HNRNPF: variants seen among roughly 807,000 people sequenced by gnomAD.
HNRNPF encodes the protein HnRNP F protein.
A neutral mutation model predicts 26.0 loss-of-function variants in HNRNPF; 2 were observed. The observed-to-expected ratio is 0.08, with a 90% CI of 0.03 to 0.24. The LOEUF (loss-of-function observed/expected upper bound fraction) is 0.24, where lower values mean the gene tolerates loss of function less well. HNRNPF is among the 10% of genes least tolerant of loss of function. The pLI is 1.00. For missense variants in HNRNPF, 299 were observed against 539.2 expected, an observed-to-expected ratio of 0.55 and a Z score of 4.41; for synonymous variants, 234 against 211.5, an observed-to-expected ratio of 1.11 and a Z score of -0.92.
intron 1 of HNRNPF, chr10:43,408,737 G>A (rs543019232): frequency 1.4e-5 from 2 of 146,146 alleles, no homozygotes; most frequent in African/African-American, 2.5e-5. Context: ...CTCGGCCTCC[G>A]AGTCTCTACA....
At chr10:43,399,979 T>C (rs1021586869) in intron 1 of HNRNPF, among the ~76,000 whole-genome samples, 5 of 152,138 alleles carry the variant, frequency 3.3e-5, no homozygotes, top group Admixed American at 6.6e-5. Flanking sequence ...CATGGGTGAG[T>C]GGGAACACTG....
intron 1 of HNRNPF, among the ~76,000 whole-genome samples, chr10:43,407,084 A>T (rs1478465019): frequency 1.3e-5 from 2 of 152,176 alleles, no homozygotes; most frequent in Non-Finnish European, 2.9e-5. Flanking sequence ...AACTAAGTAG[A>T]AAGAATTATA....
intron 1 of HNRNPF, chr10:43,397,322 AAG>A (rs1206546549): frequency 1.3e-5 from 2 of 152,262 alleles, no homozygotes; most frequent in African/African-American, 2.4e-5. Context: ...CGGGCCCGCC[AAG>A]ATGTCACCAA....
chr10:43,389,562 A>AT (rs1233548385), intron 3 of HNRNPF, among the ~76,000 whole-genome samples: 4 of 152,258 alleles, frequency 2.6e-5, no homozygotes, highest in African/African-American at 9.6e-5. Flanking sequence ...ATCATTTCAA[A>AT]TTGACAACGT....
chr10:43,391,054 T>G (rs987281410), intron 3 of HNRNPF, among the ~76,000 whole-genome samples: 1 of 152,082 alleles, frequency 6.6e-6, no homozygotes. Flanking sequence ...CCTATAATCC[T>G]AGCACTTTGG....
intron 1 of HNRNPF, among the ~76,000 whole-genome samples, chr10:43,399,832 TG>T (rs1450377443): frequency 6.6e-6 from 1 of 152,112 alleles, no homozygotes; most frequent in Non-Finnish European, 1.5e-5. Flanking sequence ...CCTGCCTTGG[TG>T]GGTCCAGTAA....
intron 1 of HNRNPF, among the ~76,000 whole-genome samples, chr10:43,400,145 C>T (rs761408512): frequency 9.9e-5 from 15 of 151,862 alleles, no homozygotes; most frequent in Admixed American, 4.6e-4. Context: ...CAAGAGAGTT[C>T]GAGACCAGCC....
chr10:43,393,550 C>T (rs562126570), intron 3 of HNRNPF, among the ~76,000 whole-genome samples: 1 of 151,840 alleles, frequency 6.6e-6, no homozygotes, highest in East Asian at 1.9e-4. Flanking sequence ...GAGCCAATGT[C>T]GCGTCACTGC....
chr10:43,402,753 TGATGGATTTATCGGG>T (rs1385734277), intron 1 of HNRNPF, among the ~76,000 whole-genome samples: 2 of 152,222 alleles, frequency 1.3e-5, no homozygotes, highest in Non-Finnish European at 2.9e-5. Context: ...AAATAACTTA[TGATGGATTTATCGGG>T]ATATAACAGT....
At chr10:43,403,736 C>A (rs1418337919) in intron 1 of HNRNPF, among the ~76,000 whole-genome samples, 5 of 152,160 alleles carry the variant, frequency 3.3e-5, no homozygotes, top group Non-Finnish European at 7.3e-5. Flanking sequence ...TAGTGGCTCA[C>A]ACCTGTAATC....
intron 3 of HNRNPF, among the ~76,000 whole-genome samples, chr10:43,393,817 C>A (rs1312751765): frequency 1.3e-5 from 2 of 152,136 alleles, no homozygotes; most frequent in Non-Finnish European, 2.9e-5. Context: ...TTCCTTTTTT[C>A]TCCTGGAATG....
At chr10:43,393,455 C>T (rs1169445228) in intron 3 of HNRNPF, among the ~76,000 whole-genome samples, 8 of 152,052 alleles carry the variant, frequency 5.3e-5, no homozygotes, top group East Asian at 1.9e-4. Flanking sequence ...ATTAGCCAGG[C>T]GTGGTGGCGC....
rs1211309359 is a variant in HNRNPF, at chr10:43,387,621, G to A, written c.264C>T (p.Ser88=). The change falls in exon 4 of 4, where the codon TCC becomes TCT. Residue 88 remains serine (S), a synonymous_variant. Coordinates refer to ENST00000682386, the MANE Select transcript of HNRNPF (RefSeq NM_001098204.2). The surrounding 1 kb of genome is among the most constrained non-coding windows in gnomAD (Gnocchi z 6.0). ...MGHRYIEVFK[S]HRTEMDWVLK... Reference sequence around the variant, plus strand: ...ACACCCAATCCATCTCGGTTCTGTGGGACTTGAACACCTCAATGTACCGGT... The same window carrying A: ...ACACCCAATCCATCTCGGTTCTGTGAGACTTGAACACCTCAATGTACCGGT... 11 of 1,614,138 alleles carry A rather than the reference G, an allele frequency of 6.8e-6. No homozygotes were observed. The highest frequency in any genetic ancestry group is 9.3e-6 in the Non-Finnish European group (11 of 1,180,038).
At chr10:43,396,771 G>T (rs1054993980) in intron 1 of HNRNPF, 181 bp from the exon 2 acceptor site, 3 of 151,934 alleles carry the variant, frequency 2.0e-5, no homozygotes, top group Non-Finnish European at 4.4e-5. Flanking sequence ...CAGGAAGGTC[G>T]GCCCCAGGGC....
In HNRNPF at chr10:43,387,185, C is replaced by T. The variant is rs1426975369; in HGVS notation, c.700G>A (p.Gly234Ser). 6.2e-7 allele frequency: 1 copy of T among 1,614,064 alleles called. No homozygotes were observed. The highest frequency in any genetic ancestry group is 1.3e-5 in the African/African-American group (1 of 74,910). ...CCCCCGTAGCCTGTGCTGTAGGCAC[C>T]AGGCCTCATCCTTTCCAGGCCTGCC... is the stretch of plus-strand genomic sequence containing the variant. The part of the protein sequence containing the change: ...KQAGLERMRP[G>S]AYSTGYGGYE... The change falls in exon 4 of 4, where the codon GGT (glycine) becomes AGT (serine). Residue 234 changes from glycine (G) to serine (S), a missense_variant. Gly to Ser is a moderately conservative substitution (Grantham distance 56). This residue lies in a region of HNRNPF where 74 missense variants were observed against 77.7 expected (regional missense o/e 0.95). Transcript: ENST00000682386. The surrounding 1 kb of genome is among the most constrained non-coding windows in gnomAD (Gnocchi z 6.0).
intron 3 of HNRNPF, among the ~76,000 whole-genome samples, chr10:43,391,033 A>G (rs1353100792): frequency 1.3e-5 from 2 of 152,168 alleles, no homozygotes; most frequent in Non-Finnish European, 2.9e-5. Context: ...GGCCAGGCAC[A>G]GTGGCTCCCA....
In HNRNPF at chr10:43,385,752, G is replaced by T. The variant is rs986234959; in HGVS notation, c.*885C>A. The T allele has an allele frequency of 1.3e-5, 2 of 152,348 alleles. No homozygotes were observed. The highest frequency in any genetic ancestry group is 2.9e-5 in the Non-Finnish European group (2 of 68,034). The allele number at this position is 152,348 out of a possible 1,614,324, so 9.4% of individuals were successfully genotyped here. A position where few individuals can be genotyped will look rare whatever the true frequency, so the allele number is the denominator to read the frequency against. ...AGGGCCTAGCAGGAAAATTCTGAAT[G>T]GTTTACAACAGTGCACATAAGTTGC... On this transcript the variant is annotated 3_prime_UTR_variant, in exon 4 of 4. Transcript: ENST00000682386.
chr10:43,397,173 G>A (rs890872971), intron 1 of HNRNPF: 8 of 152,072 alleles, frequency 5.3e-5, no homozygotes, highest in African/African-American at 1.9e-4. Flanking sequence ...GGGCGCCCGC[G>A]CGGCGGCTCA....
chr10:43,396,206 G>A (rs916960695), intron 2 of HNRNPF, among the ~76,000 whole-genome samples: 2 of 152,238 alleles, frequency 1.3e-5, no homozygotes, highest in African/African-American at 4.8e-5. Context: ...CTACCAGTTC[G>A]GCTATCTGCA....
Sources: allele counts gnomAD v4.1 joint callset (sites outside exome capture counted in the v4.1 genomes callset), GRCh38; gene constraint gnomAD v4.1.1; regional missense constraint gnomAD v4.1.1; non-coding constraint Gnocchi (gnomAD v3.1); transcripts MANE v1.5; gene names NCBI Gene and HGNC (gene_info 2026-07-23, HGNC 2026-07-21).